The following OR8G5 variants were observed in gnomAD, a reference collection of about 807,000 sequenced individuals.
The protein encoded by OR8G5 is olfactory receptor 8G5.
For synonymous variants in OR8G5, 147 were observed against 147.7 expected (o/e 1.00, Z 0.03); for missense variants, 347 against 371.9 (o/e 0.93, Z 0.55).
At chr11:124,257,847 G>A (rs1861927743) in intron 1 of OR8G5, among the ~76,000 whole-genome samples, 3 of 152,270 alleles carry the variant, frequency 2.0e-5, no homozygotes, top group Admixed American at 1.3e-4. Flanking sequence ...GTGGGAGAAG[G>A]TCAGAAACAG....
chr11:124,265,407 A>T lies in OR8G5; in HGVS notation c.476A>T (p.His159Leu), dbSNP rs370585334. ...ATAGGCCTGATTTGTGCGTCAGCTC[A>T]TATAGGCTGTATGTTTAGGGTTCAA... Reference protein sequence around the residue: ...YVIGLICASAHIGCMFRVQFC... With the variant: ...YVIGLICASALIGCMFRVQFC... The change falls in exon 2 of 2, where the codon CAT becomes CTT. Residue 159 changes from histidine to leucine, a missense_variant. Transcript: ENST00000641992. 2 of 1,613,932 alleles carry T rather than the reference A, an allele frequency of 1.2e-6. No homozygotes were observed. Among genetic ancestry groups the T allele is most frequent in the Non-Finnish European group, 1.7e-6 (2 of 1,179,892 alleles).
At chr11:124,262,164 TTAAA>T (rs1861977930) in intron 1 of OR8G5, among the ~76,000 whole-genome samples, 1 of 146,604 alleles carries the variant, frequency 6.8e-6, no homozygotes, top group Non-Finnish European at 1.5e-5. Flanking sequence ...TAGAAATAAT[TTAAA>T]TAAAAATAAA....
At position 124,265,990 on chromosome 11, in the gene OR8G5, A is replaced by T; in HGVS notation, c.*123A>T. ...TTTCTAATTTGGGGGGATTTTACTG[A>T]CGTTATGTCTTATGCACATGGTCTA... On this transcript the variant is annotated 3_prime_UTR_variant, in exon 2 of 2. Transcript: ENST00000641992. 8.1e-7 allele frequency: 1 copy of T among 1,233,892 alleles called. No individual in the cohort carries two copies. The highest frequency in any genetic ancestry group is 2.6e-5 in the East Asian group (1 of 39,114). 76.4% of individuals were successfully genotyped at this position (1,233,892 alleles called of 1,614,324 possible). A position where few individuals can be genotyped will look rare whatever the true frequency, so the allele number is the denominator to read the frequency against.
chr11:124,264,674 A>T, intron 1 of OR8G5: 1 of 534,530 alleles, frequency 1.9e-6, no homozygotes, highest in Non-Finnish European at 3.3e-6. Context: ...AAGATCATTG[A>T]AATATTCAAA....
chr11:124,261,121 G>A (rs369082680), intron 1 of OR8G5, among the ~76,000 whole-genome samples: 60 of 151,816 alleles, frequency 4.0e-4, no homozygotes, highest in East Asian at 3.3e-3. Context: ...TCAAATTACA[G>A]GATTTCGTTC....
Position 124,265,611 on chromosome 11 carries a change from G to T in OR8G5, c.680G>T (p.Arg227Leu). Reference protein sequence around the residue: ...SYIFIIASILRIRYTEGRSKA... With the variant: ...SYIFIIASILLIRYTEGRSKA... ...ATCTTCATCATTGCCAGCATCCTCC[G>T]CATTCGCTACACTGAGGGCAGGTCC... Residue 227 changes from arginine to leucine, a missense_variant, in exon 2 of 2, where the codon CGC becomes CTC. Physicochemically the swap from Arg to Leu is moderately radical, Grantham distance 102. Coordinates refer to ENST00000641992, the MANE Select transcript of OR8G5 (RefSeq NM_001005198.2). 2 of 1,613,822 alleles carry T rather than the reference G, an allele frequency of 1.2e-6. No homozygotes were observed. Among genetic ancestry groups the T allele is most frequent in the East Asian group, 2.2e-5 (1 of 44,876 alleles).
chr11:124,257,580 T>C (rs541552235), intron 1 of OR8G5, among the ~76,000 whole-genome samples: 9 of 152,242 alleles, frequency 5.9e-5, no homozygotes, highest in African/African-American at 2.2e-4. Context: ...ACACAGGTTG[T>C]CTTATTATGC....
intron 1 of OR8G5, among the ~76,000 whole-genome samples, chr11:124,263,944 C>G (rs1862001497): frequency 6.6e-6 from 1 of 152,048 alleles, no homozygotes; most frequent in African/African-American, 2.4e-5. Flanking sequence ...TTGTGTGTCT[C>G]TACTTTTTAC....
At chr11:124,258,608 TTAAACA>T (rs1861935067) in intron 1 of OR8G5, among the ~76,000 whole-genome samples, 2 of 152,098 alleles carry the variant, frequency 1.3e-5, no homozygotes, top group East Asian at 1.9e-4. Flanking sequence ...ACATTCATAA[TTAAACA>T]TAAAGTTCAA....
intron 1 of OR8G5, among the ~76,000 whole-genome samples, chr11:124,260,715 C>G (rs1047816350): frequency 4.6e-4 from 70 of 151,776 alleles, no homozygotes; most frequent in African/African-American, 1.6e-3. Context: ...CATAATTGTA[C>G]ATATTTGTGA....
chr11:124,257,560 A>G (rs574210489), intron 1 of OR8G5, among the ~76,000 whole-genome samples: 11 of 152,202 alleles, frequency 7.2e-5, no homozygotes, highest in Admixed American at 5.9e-4. Flanking sequence ...AGGGGTGGAA[A>G]TGCATGGGGA....
At chr11:124,263,082 G>A (rs1861989141) in intron 1 of OR8G5, among the ~76,000 whole-genome samples, 1 of 152,052 alleles carries the variant, frequency 6.6e-6, no homozygotes, top group Admixed American at 6.6e-5. Context: ...AAAAACATTG[G>A]ATATATTTTC....
chr11:124,264,819 G>A (rs752516673), intron 1 of OR8G5, 99 bp from the exon 2 acceptor site: 15 of 1,467,546 alleles, frequency 1.0e-5, no homozygotes, highest in African/African-American at 6.9e-5. Context: ...TAATTGAACC[G>A]GAGTTAAATG....
Position 124,265,135 on chromosome 11 carries a change from C to G in OR8G5, c.204C>G (p.Phe68Leu), listed in dbSNP as rs773138860. 6 of 1,614,120 alleles carry G rather than the reference C, an allele frequency of 3.7e-6. No homozygotes were observed. Among genetic ancestry groups the G allele is most frequent in the Non-Finnish European group, 5.1e-6 (6 of 1,179,976 alleles). The change falls in exon 2 of 2, where the codon TTC (phenylalanine) becomes TTG (leucine). Residue 68 changes from phenylalanine to leucine, a missense_variant. Physicochemically the swap from Phe to Leu is conservative, Grantham distance 22 (BLOSUM62 0). Coordinates refer to ENST00000641992, the MANE Select transcript of OR8G5 (RefSeq NM_001005198.2). ...ACTGTTTCCTCAGCAGTCTGTCCTT[C>G]ATTGACTTCTGCCATTCCACTGTCA... ...PMYCFLSSLSFIDFCHSTVIT... is the reference protein window; with the variant it reads ...PMYCFLSSLSLIDFCHSTVIT...
Position 124,265,671 on chromosome 11 carries a change from C to G in OR8G5, c.740C>G (p.Ala247Gly). ...AFSTCSSHIS[A>G]VSVFFGSAAF... ...AGCACTTGCAGCTCCCACATCTCGG[C>G]TGTTTCTGTTTTCTTTGGGTCTGCA... Residue 247 changes from alanine (A) to glycine (G), a missense_variant, in exon 2 of 2, where the codon GCT becomes GGT. Ala to Gly is a moderately conservative substitution (Grantham distance 60). Transcript: ENST00000641992. 2 of 1,614,034 alleles carry G rather than the reference C, an allele frequency of 1.2e-6. No homozygotes were observed. Among genetic ancestry groups the G allele is most frequent in the Admixed American group, 1.7e-5 (1 of 60,016 alleles).
intron 1 of OR8G5, among the ~76,000 whole-genome samples, chr11:124,257,121 A>G (rs1400143844): frequency 2.0e-5 from 3 of 151,856 alleles, no homozygotes; most frequent in African/African-American, 4.8e-5. Context: ...TCTCTCACAA[A>G]GGAGGAAGAT....
rs1156449498 is a variant in OR8G5 at position 124,265,869 on chromosome 11, C to G, written c.*2C>G. The G allele has an allele frequency of 6.2e-7, 1 of 1,600,764 alleles. No individual in the cohort carries two copies. The highest frequency in any genetic ancestry group is 2.2e-5 in the East Asian group (1 of 44,592). ...CTAGGGAAAAGAACATTCTTATGAA[C>G]AGAAGTACAATGAAAAAGATTGCAT... On this transcript the variant is annotated 3_prime_UTR_variant, in exon 2 of 2. Coordinates refer to ENST00000641992, the MANE Select transcript of OR8G5 (RefSeq NM_001005198.2).
chr11:124,256,903 CAG>C (rs1333630574), intron 1 of OR8G5, among the ~76,000 whole-genome samples: 7 of 152,224 alleles, frequency 4.6e-5, no homozygotes, highest in African/African-American at 1.7e-4. Context: ...TCTGAGCATG[CAG>C]TAGAAAGGTC....
intron 1 of OR8G5, among the ~76,000 whole-genome samples, chr11:124,258,431 G>A (rs1174154004): frequency 2.6e-5 from 4 of 151,804 alleles, no homozygotes; most frequent in South Asian, 2.1e-4. Flanking sequence ...GGTGGCGGGC[G>A]CCTATAATCT....
Sources: allele counts gnomAD v4.1 joint callset (sites outside exome capture counted in the v4.1 genomes callset), GRCh38; gene constraint gnomAD v4.1.1; transcripts MANE v1.5; gene names NCBI Gene and HGNC (gene_info 2026-07-23, HGNC 2026-07-21).